The following UTRN variants were observed in gnomAD, a reference collection of about 807,000 sequenced individuals.
UTRN encodes the protein dystrophin-related protein 1.
Under a neutral mutation model 463.9 loss-of-function variants are expected in UTRN, and 283 were observed. The observed-to-expected ratio is 0.61, with a 90% CI of 0.55 to 0.67. The LOEUF is 0.67. Among genes scored for constraint, UTRN ranks in the 30% least tolerant of loss-of-function variants. The pLI, the probability that UTRN is intolerant of heterozygous loss-of-function variation, is 0.00. For synonymous variants in UTRN, 1,442 were observed against 1,431.5 expected, an observed-to-expected ratio of 1.01 and a Z score of -0.17; for missense variants, 3,922 against 4,084.3, an observed-to-expected ratio of 0.96 and a Z score of 1.08.
At chr6:144,461,379 C>A (rs369283741) in intron 22 of UTRN, 37 bp downstream of exon 22, 6 of 1,431,286 alleles carry the variant, frequency 4.2e-6, no homozygotes, top group Admixed American at 4.9e-5. Context: ...TCTAGCGCTT[C>A]TTCTAATATC....
At chr6:144,302,173 A>G (rs1013240991) in intron 2 of UTRN, among the ~76,000 whole-genome samples, 1 of 151,872 alleles carries the variant, frequency 6.6e-6, no homozygotes, top group Admixed American at 6.6e-5. Flanking sequence ...TGACTTTCTG[A>G]TGCTAGCCTT....
intron 39 of UTRN, 115 bp downstream of exon 39, chr6:144,517,063 C>T: frequency 5.4e-6 from 5 of 930,984 alleles, no homozygotes; most frequent in South Asian, 3.9e-5. Flanking sequence ...AATATCATCT[C>T]CTCCTTTCTA....
chr6:144,553,738 C>T (rs1490714647), intron 48 of UTRN, among the ~76,000 whole-genome samples: 1 of 151,964 alleles, frequency 6.6e-6, no homozygotes, highest in African/African-American at 2.4e-5. Context: ...TGGGGAAACC[C>T]TCTCTCTACT....
At chr6:144,309,051 T>C (rs1313779165) in intron 2 of UTRN, among the ~76,000 whole-genome samples, 1 of 152,184 alleles carries the variant, frequency 6.6e-6, no homozygotes, top group African/African-American at 2.4e-5. Flanking sequence ...CTGTTCTCAG[T>C]CCTTACCTTA....
At chr6:144,426,085 C>G (rs911605990) in intron 6 of UTRN, among the ~76,000 whole-genome samples, 8 of 152,152 alleles carry the variant, frequency 5.3e-5, no homozygotes, top group African/African-American at 1.9e-4. Flanking sequence ...AAAATCACCT[C>G]AAATTCTAGT....
intron 51 of UTRN, among the ~76,000 whole-genome samples, chr6:144,649,912 G>C (rs976259263): frequency 6.6e-6 from 1 of 152,166 alleles, no homozygotes; most frequent in African/African-American, 2.4e-5. Flanking sequence ...ACTGGATTCA[G>C]GAATGATGAC....
intron 2 of UTRN, among the ~76,000 whole-genome samples, chr6:144,298,331 G>A (rs1166939027): frequency 6.6e-6 from 1 of 152,146 alleles, no homozygotes; most frequent in Non-Finnish European, 1.5e-5. Flanking sequence ...TACTTCCTGT[G>A]ACACTGGATT....
intron 74 of UTRN, 124 bp from the exon 75 acceptor site, chr6:144,850,864 CA>C: frequency 7.4e-7 from 1 of 1,347,472 alleles, no homozygotes. Flanking sequence ...TTGCAGGAAG[CA>C]AAAGTCACAG....
At chr6:144,572,600 A>G (rs919459193) in intron 50 of UTRN, among the ~76,000 whole-genome samples, 5 of 150,852 alleles carry the variant, frequency 3.3e-5, no homozygotes, top group African/African-American at 1.2e-4. Context: ...CCCTGTGTCC[A>G]TGTGTTCTCA....
intron 2 of UTRN, among the ~76,000 whole-genome samples, chr6:144,305,034 C>T (rs2114542156): frequency 6.6e-6 from 1 of 151,756 alleles, no homozygotes; most frequent in East Asian, 1.9e-4. Context: ...TGGGTTCAAA[C>T]AATTCTTGTG....
At chr6:144,846,158 T>C (rs1781994648) in intron 73 of UTRN, among the ~76,000 whole-genome samples, 1 of 152,248 alleles carries the variant, frequency 6.6e-6, no homozygotes, top group South Asian at 2.1e-4. Context: ...CCAGATCGTC[T>C]TCACTGTTAT....
chr6:144,689,363 T>C (rs1783085466), intron 52 of UTRN, among the ~76,000 whole-genome samples: 1 of 152,140 alleles, frequency 6.6e-6, no homozygotes, highest in South Asian at 2.1e-4. Flanking sequence ...CTGCAGACTT[T>C]CTCCACTGAG....
In UTRN at chr6:144,627,328, A is replaced by G. The variant is rs141133270; in HGVS notation, c.7479+50040A>G. Among the ~76,000 whole-genome samples the G allele has an allele frequency of 3.3e-3, 509 of 152,284 alleles. 2 individuals are homozygous for G. Among genetic ancestry groups the G allele is most frequent in the African/African-American group, 0.012 (478 of 41,554 alleles). ...AGCTGTTACATTCATTTATCGGTTT[A>G]CTTTCTGTTTCTTCATGTGATTCAG... On this transcript the variant is annotated intron_variant, in intron 51 of 74. Transcript: ENST00000367545.
At chr6:144,409,741 A>G (rs1430430956) in intron 3 of UTRN, among the ~76,000 whole-genome samples, 1 of 152,188 alleles carries the variant, frequency 6.6e-6, no homozygotes, top group African/African-American at 2.4e-5. Context: ...TCCACCAGCC[A>G]TGAGGGGAGT....
At position 144,288,685 on chromosome 6, in the gene UTRN, A is replaced by T. The variant is rs374397494; in HGVS notation, c.-93+2864A>T. ...AGTAGAGCCTATAAAAAATGAAAAA[A>T]GTTTTTTAGACTCTCATAAAATCTG... On this transcript the variant is annotated intron_variant, in intron 1 of 74. Coordinates refer to ENST00000367545, the MANE Select transcript of UTRN (RefSeq NM_007124.3). Among the ~76,000 whole-genome samples, 326 of 152,088 alleles carry T rather than the reference A, an allele frequency of 2.1e-3. 2 individuals are homozygous for T. The highest frequency in any genetic ancestry group is 7.4e-3 in the African/African-American group (309 of 41,492).
chr6:144,724,670 TGG>T (rs1353122446), intron 53 of UTRN, among the ~76,000 whole-genome samples: 1 of 151,984 alleles, frequency 6.6e-6, no homozygotes, highest in Non-Finnish European at 1.5e-5. Context: ...GGACATTGCA[TGG>T]TAATGGAATC....
intron 51 of UTRN, among the ~76,000 whole-genome samples, chr6:144,665,745 A>G (rs1780319781): frequency 6.6e-6 from 1 of 152,206 alleles, no homozygotes; most frequent in Non-Finnish European, 1.5e-5. Flanking sequence ...GAGGGTTTGC[A>G]TCTTATGCTT....
At chr6:144,434,211 C>T (rs535304568) in intron 9 of UTRN, among the ~76,000 whole-genome samples, 14 of 152,170 alleles carry the variant, frequency 9.2e-5, no homozygotes, top group Non-Finnish European at 1.3e-4. Flanking sequence ...GGCGTGGTGG[C>T]GCGCACCTGC....
intron 58 of UTRN, among the ~76,000 whole-genome samples, chr6:144,766,839 T>C (rs1398750318): frequency 6.6e-6 from 1 of 152,062 alleles, no homozygotes; most frequent in East Asian, 1.9e-4. Flanking sequence ...ATTTATATTC[T>C]ACAAAGGATA....
Sources: allele counts gnomAD v4.1 joint callset (sites outside exome capture counted in the v4.1 genomes callset), GRCh38; gene constraint gnomAD v4.1.1; transcripts MANE v1.5; gene names NCBI Gene and HGNC (gene_info 2026-07-23, HGNC 2026-07-21).